The following AUTS2 variants were observed in gnomAD, a reference collection of about 807,000 sequenced individuals.
The protein encoded by AUTS2 is activator of transcription and developmental regulator AUTS2.
Under a neutral mutation model 112.4 loss-of-function variants are expected in AUTS2, and 17 were observed. That is an observed-to-expected ratio of 0.15 (90% CI 0.10 to 0.23). The LOEUF (loss-of-function observed/expected upper bound fraction) is 0.23. AUTS2 is among the 10% of genes least tolerant of loss of function. AUTS2 has a pLI of 1.00. For synonymous variants in AUTS2, 751 were observed against 702.7 expected (o/e 1.07, Z -1.09); for missense variants, 1,510 against 1,701.6 (o/e 0.89, Z 1.98).
intron 4 of AUTS2, among the ~76,000 whole-genome samples, chr7:70,401,590 C>T (rs931403250): frequency 6.6e-6 from 1 of 152,048 alleles, no homozygotes; most frequent in African/African-American, 2.4e-5. Flanking sequence ...CAGATGAGAC[C>T]GTGGAGAGTA....
At chr7:70,412,122 T>A (rs1794805416) in intron 4 of AUTS2, among the ~76,000 whole-genome samples, 1 of 152,040 alleles carries the variant, frequency 6.6e-6, no homozygotes, top group Admixed American at 6.6e-5. Context: ...CTTGAACTCC[T>A]GACCTCAAGT....
chr7:69,719,203 A>G (rs1258622732), intron 1 of AUTS2, among the ~76,000 whole-genome samples: 1 of 152,218 alleles, frequency 6.6e-6, no homozygotes, highest in Non-Finnish European at 1.5e-5. Flanking sequence ...CTCTGGGGTC[A>G]TATTGAATAA....
intron 18 of AUTS2, among the ~76,000 whole-genome samples, chr7:70,789,158 C>T (rs544740667): frequency 6.6e-6 from 1 of 152,314 alleles, no homozygotes; most frequent in South Asian, 2.1e-4. Flanking sequence ...CTGTGGCTTC[C>T]TTTTGAGCCT....
At chr7:70,234,890 G>A (rs1812238815) in intron 4 of AUTS2, among the ~76,000 whole-genome samples, 1 of 152,122 alleles carries the variant, frequency 6.6e-6, no homozygotes, top group Admixed American at 6.5e-5. Flanking sequence ...ACCGTCCTAT[G>A]GCAGGGCAGG....
intron 2 of AUTS2, among the ~76,000 whole-genome samples, chr7:70,032,780 C>G (rs2051303620): frequency 6.6e-6 from 1 of 152,046 alleles, no homozygotes; most frequent in South Asian, 2.1e-4. Context: ...TCCTCCTCCT[C>G]TAACCTTCCC....
chr7:70,491,609 GT>G (rs1798247865), intron 5 of AUTS2, among the ~76,000 whole-genome samples: 1 of 149,298 alleles, frequency 6.7e-6, no homozygotes, highest in Admixed American at 6.7e-5. Flanking sequence ...GTGTGTGTGT[GT>G]GTGTGTGTGT....
chr7:70,500,725 A>ATT (rs145102247), intron 5 of AUTS2, among the ~76,000 whole-genome samples: 2 of 145,362 alleles, frequency 1.4e-5, no homozygotes, highest in Non-Finnish European at 3.0e-5. Context: ...CAAATTGATA[A>ATT]TTTTTTTTTT....
chr7:69,912,116 C>T (rs1208167229), intron 2 of AUTS2, among the ~76,000 whole-genome samples: 2 of 152,202 alleles, frequency 1.3e-5, no homozygotes, highest in African/African-American at 4.8e-5. Flanking sequence ...GCTGGCGTGT[C>T]AATGCCACCC....
chr7:70,393,956 A>G (rs1239247908), intron 4 of AUTS2, among the ~76,000 whole-genome samples: 1 of 152,218 alleles, frequency 6.6e-6, no homozygotes, highest in Non-Finnish European at 1.5e-5. Flanking sequence ...TCGGCAAAGA[A>G]AAAGCAAGGG....
chr7:69,948,356 C>T (rs1162274836), intron 2 of AUTS2, among the ~76,000 whole-genome samples: 1 of 152,176 alleles, frequency 6.6e-6, no homozygotes, highest in African/African-American at 2.4e-5. Flanking sequence ...GCAAGCATCC[C>T]CAAGAGGTCT....
At chr7:70,021,016 T>G (rs1471135260) in intron 2 of AUTS2, among the ~76,000 whole-genome samples, 2 of 151,024 alleles carry the variant, frequency 1.3e-5, no homozygotes, top group Non-Finnish European at 1.5e-5. Flanking sequence ...TGAGATAGAG[T>G]TTTGAGCCCA....
chr7:69,820,802 C>T (rs1158986948), intron 1 of AUTS2, among the ~76,000 whole-genome samples: 1 of 152,074 alleles, frequency 6.6e-6, no homozygotes, highest in African/African-American at 2.4e-5. Flanking sequence ...CCTTCAAGAG[C>T]TTAGTTAAGT....
At chr7:70,004,370 A>G (rs1345432035) in intron 2 of AUTS2, among the ~76,000 whole-genome samples, 2 of 129,154 alleles carry the variant, frequency 1.5e-5, no homozygotes, top group Non-Finnish European at 3.1e-5. Context: ...GTATGAATAT[A>G]TATTCATATA....
chr7:69,880,829 A>C (rs1210001834), intron 1 of AUTS2, among the ~76,000 whole-genome samples: 1 of 152,210 alleles, frequency 6.6e-6, no homozygotes, highest in Non-Finnish European at 1.5e-5. Flanking sequence ...AAACATGTAC[A>C]GAACCACTCC....
At chr7:69,684,965 C>T (rs1446558489) in intron 1 of AUTS2, among the ~76,000 whole-genome samples, 4 of 152,120 alleles carry the variant, frequency 2.6e-5, no homozygotes, top group African/African-American at 7.2e-5. Flanking sequence ...TCATTGATTA[C>T]GTGCCTGGTG....
intron 1 of AUTS2, among the ~76,000 whole-genome samples, chr7:69,894,872 A>C (rs1191068898): frequency 1.3e-5 from 2 of 152,180 alleles, no homozygotes; most frequent in African/African-American, 2.4e-5. Context: ...CTTATTTTCA[A>C]AAAATTCTTC....
intron 4 of AUTS2, among the ~76,000 whole-genome samples, chr7:70,167,282 G>A (rs1169758500): frequency 6.6e-6 from 1 of 152,008 alleles, no homozygotes; most frequent in Non-Finnish European, 1.5e-5. Context: ...TATCAATACA[G>A]TAGACTTCAC....
At chr7:70,242,518 A>G (rs982547489) in intron 4 of AUTS2, among the ~76,000 whole-genome samples, 2 of 152,234 alleles carry the variant, frequency 1.3e-5, no homozygotes. Context: ...TTAAATATGA[A>G]TACTCTTTGT....
intron 4 of AUTS2, among the ~76,000 whole-genome samples, chr7:70,393,916 A>G (rs1793975247): frequency 1.3e-5 from 2 of 152,176 alleles, no homozygotes; most frequent in Admixed American, 1.3e-4. Flanking sequence ...AGCAGCATGA[A>G]GCATTTTCTT....
Sources: gnomAD v4.1 joint callset for allele counts (sites outside exome capture counted in the v4.1 genomes callset) on GRCh38, gnomAD v4.1.1 for gene constraint, MANE v1.5 for transcripts, NCBI Gene and HGNC (gene_info 2026-07-23, HGNC 2026-07-21) for gene names.